The following NFIA variants were observed in gnomAD, a reference collection of about 807,000 sequenced individuals.
NFIA encodes nuclear factor 1 A-type.
NFIA carries 8 observed loss-of-function variants against 62.8 expected under a neutral mutation model. That is an observed-to-expected ratio of 0.13 (90% CI 0.07 to 0.23). The LOEUF is 0.23. Among genes scored for constraint, NFIA ranks in the 10% least tolerant of loss-of-function variants. The probability of loss-of-function intolerance (pLI) is 1.00; values close to 1 mark genes in which losing one functional copy is unlikely to be tolerated. For synonymous variants in NFIA, 235 were observed against 238.1 expected, an observed-to-expected ratio of 0.99 and a Z score of 0.12; for missense variants, 410 against 642.1, an observed-to-expected ratio of 0.64 and a Z score of 3.91.
intron 2 of NFIA, among the ~76,000 whole-genome samples, chr1:61,234,148 A>G (rs1654840976): frequency 6.6e-6 from 1 of 151,960 alleles, no homozygotes; most frequent in Non-Finnish European, 1.5e-5. Flanking sequence ...CGGGCGGATC[A>G]CCTGAGGTCG....
At chr1:61,374,773 T>C (rs951444962) in intron 6 of NFIA, among the ~76,000 whole-genome samples, 6 of 152,216 alleles carry the variant, frequency 3.9e-5, no homozygotes, top group African/African-American at 1.4e-4. Context: ...TGGCTACATA[T>C]AGAGTAAGAA....
At chr1:61,352,679 A>G (rs1234157664) in intron 5 of NFIA, 112 bp downstream of exon 5, 2 of 880,604 alleles carry the variant, frequency 2.3e-6, no homozygotes, top group Non-Finnish European at 3.7e-6. Flanking sequence ...AGAAGATAAC[A>G]AAGTAGTGGG....
chr1:61,435,395 G>T (rs776938040), intron 10 of NFIA, among the ~76,000 whole-genome samples: 8 of 152,172 alleles, frequency 5.3e-5, no homozygotes, highest in Non-Finnish European at 1.0e-4. Context: ...GTGAGTGAGT[G>T]GTTGTTGGCA....
chr1:61,083,800 T>C (rs1646167660), intron 1 of NFIA, among the ~76,000 whole-genome samples: 2 of 151,066 alleles, frequency 1.3e-5, no homozygotes, highest in Admixed American at 6.6e-5. Context: ...ACCGCGCGAC[T>C]CCGGCCGCTC....
intron 2 of NFIA, among the ~76,000 whole-genome samples, chr1:61,164,923 A>G (rs1373334676): frequency 1.3e-5 from 2 of 152,184 alleles, no homozygotes; most frequent in Non-Finnish European, 1.5e-5. Flanking sequence ...TTTATCAAAA[A>G]TCTTCAGATT....
At chr1:61,324,299 G>A (rs544104890) in intron 3 of NFIA, among the ~76,000 whole-genome samples, 3 of 152,282 alleles carry the variant, frequency 2.0e-5, no homozygotes, top group Non-Finnish European at 2.9e-5. Context: ...AGCTTTTCCC[G>A]TCAAGTGGCC....
At chr1:61,101,312 T>C (rs1646504403) in intron 2 of NFIA, among the ~76,000 whole-genome samples, 1 of 151,670 alleles carries the variant, frequency 6.6e-6, no homozygotes, top group Non-Finnish European at 1.5e-5. Flanking sequence ...GGAGAATCGC[T>C]TGAACCCGGG....
intron 7 of NFIA, among the ~76,000 whole-genome samples, chr1:61,402,040 T>C (rs972956430): frequency 3.7e-5 from 5 of 136,200 alleles, no homozygotes; most frequent in Admixed American, 7.2e-5. Context: ...TTTCTTTTTT[T>C]TTTTTTTTTT....
At chr1:61,150,377 C>A (rs1338528242) in intron 2 of NFIA, among the ~76,000 whole-genome samples, 1 of 152,128 alleles carries the variant, frequency 6.6e-6, no homozygotes, top group Non-Finnish European at 1.5e-5. Flanking sequence ...CTGGGCTGGT[C>A]TTACTGTTCT....
At chr1:61,256,017 T>A (rs1656369867) in intron 2 of NFIA, among the ~76,000 whole-genome samples, 1 of 152,162 alleles carries the variant, frequency 6.6e-6, no homozygotes, top group South Asian at 2.1e-4. Context: ...TCCAGGCATG[T>A]CCAATCTTTT....
At chr1:61,343,984 CT>C (rs1557720156) in intron 4 of NFIA, among the ~76,000 whole-genome samples, 1 of 152,210 alleles carries the variant, frequency 6.6e-6, no homozygotes, top group Non-Finnish European at 1.5e-5. Context: ...TTTACAGCCT[CT>C]CACAGCCACA....
intron 2 of NFIA, among the ~76,000 whole-genome samples, chr1:61,149,398 A>T (rs780193756): frequency 3.9e-5 from 6 of 152,162 alleles, no homozygotes; most frequent in Non-Finnish European, 8.8e-5. Flanking sequence ...CTAGCCCCAG[A>T]CTATACTTAG....
chr1:61,330,246 G>A (rs1661222072), intron 3 of NFIA, among the ~76,000 whole-genome samples: 1 of 152,158 alleles, frequency 6.6e-6, no homozygotes. Flanking sequence ...ATGATAAAGA[G>A]TTGAGAGTCA....
At chr1:61,355,216 T>C (rs978080806) in intron 5 of NFIA, among the ~76,000 whole-genome samples, 2 of 152,136 alleles carry the variant, frequency 1.3e-5, no homozygotes, top group Non-Finnish European at 2.9e-5. Context: ...CCTTTTCGTG[T>C]AGATCTTACA....
At chr1:61,203,397 C>T (rs772830442) in intron 2 of NFIA, among the ~76,000 whole-genome samples, 1 of 152,150 alleles carries the variant, frequency 6.6e-6, no homozygotes, top group South Asian at 2.1e-4. Flanking sequence ...CGGGATGGCT[C>T]ACCACCCTCC....
intron 2 of NFIA, among the ~76,000 whole-genome samples, chr1:61,192,781 G>A (rs1651733518): frequency 6.6e-6 from 1 of 152,090 alleles, no homozygotes. Context: ...TTCATTTACT[G>A]TAAGTGCCGA....
intron 2 of NFIA, among the ~76,000 whole-genome samples, chr1:61,216,922 C>T (rs542318832): frequency 1.6e-4 from 24 of 151,750 alleles, no homozygotes; most frequent in Admixed American, 4.6e-4. Flanking sequence ...ATCGCTTGAA[C>T]CTGGGAGGCA....
At chr1:61,132,180 A>G (rs1303273577) in intron 2 of NFIA, among the ~76,000 whole-genome samples, 1 of 152,208 alleles carries the variant, frequency 6.6e-6, no homozygotes, top group Non-Finnish European at 1.5e-5. Flanking sequence ...AAAAAGAATG[A>G]GGAAAATCCC....
chr1:61,145,592 C>T (rs1390760852), intron 2 of NFIA, among the ~76,000 whole-genome samples: 1 of 152,120 alleles, frequency 6.6e-6, no homozygotes. Flanking sequence ...TACTTAGTTA[C>T]TTTCTTTTTC....
Sources: gnomAD v4.1 joint callset for allele counts (sites outside exome capture counted in the v4.1 genomes callset) on GRCh38, gnomAD v4.1.1 for gene constraint, MANE v1.5 for transcripts, NCBI Gene and HGNC (gene_info 2026-07-23, HGNC 2026-07-21) for gene names.